Variants in BABAM2 observed in about 807,000 individuals in gnomAD.
BABAM2 encodes the protein BRISC and BRCA1-A complex member 2.
In BABAM2, 31 loss-of-function variants were observed where a neutral mutation model predicts 54.7. The observed-to-expected ratio is 0.57, with a 90% CI of 0.43 to 0.77. BABAM2 has a LOEUF of 0.77. BABAM2 is among the 30% of genes least tolerant of loss of function. BABAM2 has a pLI of 0.00. For missense variants in BABAM2, 364 were observed against 455.8 expected (o/e 0.80, Z 1.83); for synonymous variants, 167 against 162.9 (o/e 1.03, Z -0.19).
intron 7 of BABAM2, among the ~76,000 whole-genome samples, chr2:28,209,427 G>A (rs1188062499): frequency 6.6e-6 from 1 of 152,208 alleles, no homozygotes; most frequent in Non-Finnish European, 1.5e-5. Context: ...ACTTTAGCCT[G>A]ATCTTCAGAT....
At chr2:28,159,613 C>T (rs1249945736) in intron 7 of BABAM2, among the ~76,000 whole-genome samples, 2 of 152,160 alleles carry the variant, frequency 1.3e-5, no homozygotes, top group East Asian at 1.9e-4. Flanking sequence ...GATGCAGTGG[C>T]TCACACCTGC....
intron 10 of BABAM2, among the ~76,000 whole-genome samples, chr2:28,286,752 A>G (rs1686851986): frequency 6.6e-6 from 1 of 152,154 alleles, no homozygotes; most frequent in South Asian, 2.1e-4. Flanking sequence ...CACCTCTGTT[A>G]TAACCTTCGT....
intron 3 of BABAM2, among the ~76,000 whole-genome samples, chr2:27,960,660 C>G (rs1324162927): frequency 6.6e-6 from 1 of 152,072 alleles, no homozygotes; most frequent in East Asian, 1.9e-4. Flanking sequence ...TTTTAATCTT[C>G]CAACAACTTT....
At chr2:27,899,847 C>G (rs1483626884) in intron 2 of BABAM2, among the ~76,000 whole-genome samples, 3 of 152,134 alleles carry the variant, frequency 2.0e-5, no homozygotes, top group Non-Finnish European at 4.4e-5. Flanking sequence ...ATGGAATTTA[C>G]TTTCGTTAGC....
At chr2:27,944,473 G>A (rs1456157426) in intron 3 of BABAM2, among the ~76,000 whole-genome samples, 1 of 152,036 alleles carries the variant, frequency 6.6e-6, no homozygotes, top group East Asian at 1.9e-4. Context: ...TATATAAATG[G>A]AATAATATAT....
chr2:28,047,224 T>A (rs1677649607), intron 6 of BABAM2, among the ~76,000 whole-genome samples: 1 of 152,136 alleles, frequency 6.6e-6, no homozygotes, highest in South Asian at 2.1e-4. Flanking sequence ...TTGTGGAAAA[T>A]ATATATATTA....
At chr2:28,047,081 A>G (rs1025519011) in intron 6 of BABAM2, among the ~76,000 whole-genome samples, 8 of 152,220 alleles carry the variant, frequency 5.3e-5, no homozygotes, top group Non-Finnish European at 1.2e-4. Context: ...TAAGTAAAAC[A>G]TAGGATTTTT....
chr2:28,228,786 T>C (rs1681115295), intron 7 of BABAM2, among the ~76,000 whole-genome samples: 2 of 152,204 alleles, frequency 1.3e-5, no homozygotes, highest in Admixed American at 6.6e-5. Context: ...GGGGGCTTAC[T>C]TAAAATACTT....
intron 4 of BABAM2, among the ~76,000 whole-genome samples, chr2:28,001,122 A>G (rs1673548544): frequency 6.6e-6 from 1 of 152,204 alleles, no homozygotes; most frequent in African/African-American, 2.4e-5. Context: ...GGAAATGTGC[A>G]TATCTATAAA....
rs776980631 is a variant in BABAM2 at position 28,244,855 on chromosome 2, T to C, written c.927T>C (p.Leu309=). 4 of 1,613,952 alleles carry C rather than the reference T, an allele frequency of 2.5e-6. No individual in the cohort carries two copies. The highest frequency in any genetic ancestry group is 2.5e-6 in the Non-Finnish European group (3 of 1,179,922). The change falls in exon 10 of 12, where the codon CTT becomes CTC. Residue 309 remains leucine (L), a synonymous_variant. Coordinates refer to ENST00000379624, the MANE Select transcript of BABAM2 (RefSeq NM_199191.3). ...TGATGTGGAAAGATTTTTGTTTTCT[T>C]GTACACAGTGAGTATACTTTTGCTG... ...LLLMWKDFCF[L]VHIDLPLFFP...
chr2:28,000,698 A>G (rs1279598532), intron 4 of BABAM2, among the ~76,000 whole-genome samples: 1 of 152,132 alleles, frequency 6.6e-6, no homozygotes, highest in South Asian at 2.1e-4. Flanking sequence ...CTCTCCATTT[A>G]TTAATTTATT....
intron 7 of BABAM2, among the ~76,000 whole-genome samples, chr2:28,217,839 C>A (rs750596935): frequency 1.3e-5 from 2 of 152,138 alleles, no homozygotes; most frequent in African/African-American, 2.4e-5. Flanking sequence ...TGAAAAAAAT[C>A]ACCTAGCCAG....
intron 7 of BABAM2, among the ~76,000 whole-genome samples, chr2:28,189,137 G>A (rs1034681834): frequency 6.6e-6 from 1 of 151,698 alleles, no homozygotes; most frequent in Non-Finnish European, 1.5e-5. Context: ...GCAGTTGGAG[G>A]TTGCAGTGAG....
chr2:28,149,623 C>G (rs971961528), intron 7 of BABAM2, among the ~76,000 whole-genome samples: 2 of 152,174 alleles, frequency 1.3e-5, no homozygotes, highest in Non-Finnish European at 2.9e-5. Flanking sequence ...GCCCGGTTTT[C>G]CTGCGCTCTT....
chr2:28,009,585 G>C (rs781695155), intron 4 of BABAM2, among the ~76,000 whole-genome samples: 17 of 152,050 alleles, frequency 1.1e-4, no homozygotes, highest in Non-Finnish European at 2.2e-4. Context: ...TGAGACCCAG[G>C]GAAGGCTGTT....
intron 3 of BABAM2, among the ~76,000 whole-genome samples, chr2:27,931,386 T>C (rs1261718111): frequency 1.3e-5 from 2 of 152,204 alleles, no homozygotes; most frequent in Admixed American, 1.3e-4. Context: ...ATTTTCAGTT[T>C]AGCTCTCTGG....
rs1442079601 is a variant in BABAM2 at position 28,030,466 on chromosome 2, A to G, written c.495+5046A>G. Among the ~76,000 whole-genome samples the G allele has an allele frequency of 2.0e-5, 3 of 152,206 alleles. No individual in the cohort carries two copies. The East Asian group carries it at 5.8e-4, about 29-fold the overall frequency. On this transcript the variant is annotated intron_variant, in intron 5 of 11. Transcript: ENST00000379624. ...AGCAGACCAGGCCTAGGGAAGGCCT[A>G]GTAGAAATGGTAGCTGAGTCTGTAG... is the stretch of plus-strand genomic sequence containing the variant.
In BABAM2 at chr2:28,237,296, A is replaced by G; in HGVS notation, c.775A>G (p.Asn259Asp). Reference sequence around the variant, plus strand: ...TCCTCAAGTATGCCACCTGCTCACCAACAAGGTAAAAGCAAGTCCCCAACT... The same window carrying G: ...TCCTCAAGTATGCCACCTGCTCACCGACAAGGTAAAAGCAAGTCCCCAACT... The part of the protein sequence containing the change: ...YVPQVCHLLT[N>D]KVQYVIQGYH... Residue 259 changes from asparagine to aspartate, a missense_variant, in exon 8 of 12, where the codon AAC (asparagine) becomes GAC (aspartate). Coordinates refer to ENST00000379624, the MANE Select transcript of BABAM2 (RefSeq NM_199191.3). 2 of 1,612,382 alleles carry G rather than the reference A, an allele frequency of 1.2e-6. No homozygotes were observed. Among genetic ancestry groups the G allele is most frequent in the Non-Finnish European group, 1.7e-6 (2 of 1,178,594 alleles).
At chr2:28,300,284 C>T (rs1436542502) in intron 11 of BABAM2, among the ~76,000 whole-genome samples, 2 of 152,166 alleles carry the variant, frequency 1.3e-5, no homozygotes, top group Admixed American at 1.3e-4. Context: ...AGAAACCAGA[C>T]TGCCTCAGAT....
Sources: allele counts gnomAD v4.1 joint callset (sites outside exome capture counted in the v4.1 genomes callset), GRCh38; gene constraint gnomAD v4.1.1; transcripts MANE v1.5; gene names NCBI Gene and HGNC (gene_info 2026-07-23, HGNC 2026-07-21).